The following WIPF3 variants were observed in gnomAD, a reference collection of about 807,000 sequenced individuals.
WIPF3 encodes WAS/WASL-interacting protein family member 3.
In WIPF3, 33 loss-of-function variants were observed where a neutral mutation model predicts 38.9. The observed-to-expected ratio is 0.85, with a 90% CI of 0.64 to 1.14. The LOEUF is 1.14. Among genes scored for constraint, WIPF3 ranks in the 50% most tolerant of loss-of-function variants. WIPF3 has a pLI of 0.00. For missense variants in WIPF3, 711 were observed against 652.5 expected (o/e 1.09, Z -0.98); for synonymous variants, 324 against 269.3 (o/e 1.20, Z -1.99).
Position 29,884,123 on chromosome 7 carries a change from G to A in WIPF3, c.629G>A (p.Gly210Glu), listed in dbSNP as rs1562785614. 2 of 1,530,846 alleles carry A rather than the reference G, an allele frequency of 1.3e-6. No individual in the cohort carries two copies. The highest frequency in any genetic ancestry group is 1.8e-6 in the Non-Finnish European group (2 of 1,137,290). 94.8% of individuals were successfully genotyped at this position (1,530,846 alleles called of 1,614,324 possible). The part of the protein sequence containing the change: ...LVSPPGPLTK[G>E]NLPVVAPPVP... The stretch of plus-strand genomic sequence containing the variant: ...TCCCCACCCGGCCCACTGACCAAAG[G>A]GAACCTCCCGGTGGTTGCACCCCCC... The change falls in exon 5 of 9, where the codon GGG becomes GAG. Residue 210 changes from glycine (G) to glutamate (E), a missense_variant. Physicochemically the swap from Gly to Glu is moderately conservative, Grantham distance 98 (BLOSUM62 -2). Coordinates refer to ENST00000242140, the MANE Select transcript of WIPF3 (RefSeq NM_001080529.3).
chr7:29,818,633 T>C (rs969332504), intron 1 of WIPF3, among the ~76,000 whole-genome samples: 1 of 151,198 alleles, frequency 6.6e-6, no homozygotes, highest in Non-Finnish European at 1.5e-5. Flanking sequence ...ATTGCCATAT[T>C]ATTTGGGGGG....
intron 2 of WIPF3, among the ~76,000 whole-genome samples, chr7:29,864,474 G>A (rs1160186025): frequency 6.6e-6 from 1 of 151,684 alleles, no homozygotes; most frequent in African/African-American, 2.4e-5. Flanking sequence ...ATCGTATTAA[G>A]TGTTTCCTGC....
In WIPF3 at chr7:29,884,427, C is replaced by T. The variant is rs758796980; in HGVS notation, c.933C>T (p.Pro311=). ...CCCCGAGGGCTTCTTTGCCCGCGCC[C>T]CCTTTGCCAGGAGTTAATAGCAGCA... is the stretch of plus-strand genomic sequence containing the variant. ...SCSPRASLPA[P]PLPGVNSSSE... The change falls in exon 5 of 9, where the codon CCC becomes CCT. Residue 311 remains proline (P), a synonymous_variant. Transcript: ENST00000242140. 4 of 1,531,290 alleles carry T rather than the reference C, an allele frequency of 2.6e-6. No homozygotes were observed. Among genetic ancestry groups the T allele is most frequent in the Admixed American group, 2.0e-5 (1 of 50,254 alleles). The allele number at this position is 1,531,290 out of a possible 1,614,324, so 94.9% of individuals were successfully genotyped here. A position where few individuals can be genotyped will look rare whatever the true frequency, so the allele number is the denominator to read the frequency against.
intron 2 of WIPF3, among the ~76,000 whole-genome samples, chr7:29,842,754 T>C (rs1784933009): frequency 6.6e-6 from 1 of 151,370 alleles, no homozygotes; most frequent in African/African-American, 2.4e-5. Flanking sequence ...TTGCTGTTGT[T>C]AAAAAAAAAT....
intron 1 of WIPF3, among the ~76,000 whole-genome samples, chr7:29,825,981 A>G (rs541199099): frequency 6.6e-6 from 1 of 152,258 alleles, no homozygotes; most frequent in South Asian, 2.1e-4. Flanking sequence ...CGCCTGTGTG[A>G]GAGCAATGGT....
chr7:29,835,768 C>T (rs1784790085), intron 2 of WIPF3, among the ~76,000 whole-genome samples: 1 of 152,176 alleles, frequency 6.6e-6, no homozygotes, highest in South Asian at 2.1e-4. Flanking sequence ...GGAAAATGAA[C>T]GAGATGACGG....
At chr7:29,845,196 A>G (rs539220272) in intron 2 of WIPF3, among the ~76,000 whole-genome samples, 6 of 152,264 alleles carry the variant, frequency 3.9e-5, no homozygotes, top group Non-Finnish European at 7.4e-5. Flanking sequence ...ATGGAAAAAG[A>G]AGATGCAGTG....
intron 8 of WIPF3, 131 bp downstream of exon 8, chr7:29,904,493 A>T: frequency 4.3e-6 from 3 of 697,866 alleles, no homozygotes; most frequent in Non-Finnish European, 6.9e-6. Context: ...AGGGAAAGCC[A>T]TTTGGTGGAC....
chr7:29,887,591 CAG>C (rs1354114867), intron 5 of WIPF3, among the ~76,000 whole-genome samples: 6 of 152,172 alleles, frequency 3.9e-5, no homozygotes, highest in Non-Finnish European at 8.8e-5. Context: ...AGCAGGGACA[CAG>C]GGGCAGAACA....
chr7:29,840,167 A>C (rs1181327570), intron 2 of WIPF3, among the ~76,000 whole-genome samples: 1 of 152,170 alleles, frequency 6.6e-6, no homozygotes, highest in Non-Finnish European at 1.5e-5. Flanking sequence ...CAGTAGCCAG[A>C]GATCTTGCAT....
In WIPF3 at chr7:29,884,571, G is replaced by A. The variant is rs763191587; in HGVS notation, c.1077G>A (p.Gln359=). ...CTCCGGGCTCCCAGCCGTTCCTGCAGAAGAAGAGGCATGGCCGACCAGGTA... is the reference window on the plus strand; with the variant it reads ...CTCCGGGCTCCCAGCCGTTCCTGCAAAAGAAGAGGCATGGCCGACCAGGTA... ...PAPPGSQPFL[Q]KKRHGRPGAG... The change falls in exon 5 of 9, where the codon CAG becomes CAA. Residue 359 remains glutamine (Q), a synonymous_variant. Transcript: ENST00000242140. The A allele has an allele frequency of 6.9e-6, 11 of 1,604,848 alleles. No homozygotes were observed. The highest frequency in any genetic ancestry group is 9.3e-6 in the Non-Finnish European group (11 of 1,176,810).
At chr7:29,871,109 T>TG (rs1785488701) in intron 2 of WIPF3, among the ~76,000 whole-genome samples, 1 of 152,254 alleles carries the variant, frequency 6.6e-6, no homozygotes, top group South Asian at 2.1e-4. Flanking sequence ...ACTTGACTTA[T>TG]GCACATATGG....
chr7:29,878,973 C>G lies in WIPF3; in HGVS notation c.224-36C>G, dbSNP rs373887736. 195 of 1,568,024 alleles carry G rather than the reference C, an allele frequency of 1.2e-4. No individual in the cohort carries two copies. The highest frequency in any genetic ancestry group is 1.6e-4 in the Non-Finnish European group (189 of 1,150,706). On this transcript the variant is annotated intron_variant, in intron 3 of 8. Coordinates refer to ENST00000242140, the MANE Select transcript of WIPF3 (RefSeq NM_001080529.3). The surrounding 1 kb of genome is among the most constrained non-coding windows in gnomAD (Gnocchi z 4.0). ...TGAGACCTGGCTGCTCAGCTCTGCT[C>G]TCAAGTCCTTGCCTATTTGTGTCTT...
At chr7:29,841,278 C>G (rs141746842) in intron 2 of WIPF3, among the ~76,000 whole-genome samples, 8 of 152,186 alleles carry the variant, frequency 5.3e-5, no homozygotes, top group Non-Finnish European at 1.2e-4. Flanking sequence ...TTAGGCTAAA[C>G]ATTTTTTAGT....
chr7:29,864,217 A>G (rs985504702), intron 2 of WIPF3, among the ~76,000 whole-genome samples: 1 of 152,012 alleles, frequency 6.6e-6, no homozygotes, highest in Non-Finnish European at 1.5e-5. Flanking sequence ...GTTTGCTGAG[A>G]GTTTTTATCA....
chr7:29,869,553 TGTTTAA>T (rs1478055957), intron 2 of WIPF3, among the ~76,000 whole-genome samples: 2 of 152,236 alleles, frequency 1.3e-5, no homozygotes, highest in East Asian at 1.9e-4. Context: ...ACCATTTATA[TGTTTAA>T]TGTCCTTTTG....
At chr7:29,813,924 AT>A (rs35855181) in intron 1 of WIPF3, among the ~76,000 whole-genome samples, 131 of 147,428 alleles carry the variant, frequency 8.9e-4, no homozygotes, top group Admixed American at 8.1e-4. Flanking sequence ...TGGTAAGAGA[AT>A]TTTTTTTTTT....
chr7:29,871,508 C>T (rs1378760639), intron 2 of WIPF3, among the ~76,000 whole-genome samples: 6 of 152,158 alleles, frequency 3.9e-5, no homozygotes, highest in Non-Finnish European at 5.9e-5. Context: ...AGAAATGACC[C>T]GCTAGATTAG....
Position 29,879,064 on chromosome 7 carries a change from C to T in WIPF3, c.279C>T (p.Ser93=). ...GGGSANTRGA[S]TPPTLGDLFA... The stretch of plus-strand genomic sequence containing the variant: ...GTTCTGCAAACACACGAGGCGCGAG[C>T]ACACCTCCCACCCTGGGAGATCTGT... The change falls in exon 4 of 9, where the codon AGC becomes AGT. Residue 93 remains serine (S), a synonymous_variant. Transcript: ENST00000242140. 6.2e-7 allele frequency: 1 copy of T among 1,609,812 alleles called. No individual in the cohort carries two copies. Among genetic ancestry groups the T allele is most frequent in the Non-Finnish European group, 8.5e-7 (1 of 1,177,884 alleles).
Sources: allele counts gnomAD v4.1 joint callset (sites outside exome capture counted in the v4.1 genomes callset), GRCh38; gene constraint gnomAD v4.1.1; non-coding constraint Gnocchi (gnomAD v3.1); transcripts MANE v1.5; gene names NCBI Gene and HGNC (gene_info 2026-07-23, HGNC 2026-07-21).